ZFYVE9: variants seen among roughly 807,000 people sequenced by gnomAD.
The protein encoded by ZFYVE9 is zinc finger FYVE domain-containing protein 9.
In ZFYVE9, 43 loss-of-function variants were observed where a neutral mutation model predicts 126.7. The observed-to-expected ratio is 0.34, with a 90% CI of 0.27 to 0.44. ZFYVE9 has a LOEUF of 0.44. ZFYVE9 is among the 20% of genes least tolerant of loss of function. The pLI is 1.00. For synonymous variants in ZFYVE9, 521 were observed against 597.4 expected (o/e 0.87, Z 1.87); for missense variants, 1,476 against 1,697.0 (o/e 0.87, Z 2.29).
Position 52,238,759 on chromosome 1 carries a change from G to T in ZFYVE9, c.1342G>T (p.Asp448Tyr). ...TGTTGGATTGGCAGATGCAGGTCTA[G>T]ATTTAAAAGGAACTTGCATTAGTGA... Reference protein sequence around the residue: ...QCVGLADAGLDLKGTCISESE... With the variant: ...QCVGLADAGLYLKGTCISESE... Residue 448 changes from aspartate to tyrosine, a missense_variant, in exon 4 of 19, where the codon GAT becomes TAT. Physicochemically the swap from Asp to Tyr is radical, Grantham distance 160 (BLOSUM62 -3). Transcript: ENST00000287727. The T allele has an allele frequency of 6.2e-7, 1 of 1,614,054 alleles. No individual in the cohort carries two copies. The highest frequency in any genetic ancestry group is 8.5e-7 in the Non-Finnish European group (1 of 1,179,954).
At chr1:52,160,253 C>G (rs1348914902) in intron 1 of ZFYVE9, 3 of 876,116 alleles carry the variant, frequency 3.4e-6, no homozygotes, top group Non-Finnish European at 5.9e-6. Flanking sequence ...TTATTTTTCT[C>G]TTTTCAATTA....
intron 1 of ZFYVE9, among the ~76,000 whole-genome samples, chr1:52,182,292 T>C (rs1293875465): frequency 6.6e-6 from 1 of 151,696 alleles, no homozygotes; most frequent in Non-Finnish European, 1.5e-5. Flanking sequence ...ACAGTGGCGG[T>C]TTTGTGGAAT....
chr1:52,171,903 C>G (rs1644575092), intron 1 of ZFYVE9, among the ~76,000 whole-genome samples: 1 of 152,100 alleles, frequency 6.6e-6, no homozygotes, highest in Non-Finnish European at 1.5e-5. Context: ...GATATTAGCT[C>G]TTTGTCAGAT....
intron 13 of ZFYVE9, among the ~76,000 whole-genome samples, chr1:52,321,655 T>G (rs1201469514): frequency 6.6e-6 from 1 of 152,144 alleles, no homozygotes; most frequent in Non-Finnish European, 1.5e-5. Context: ...ACTGGACTTC[T>G]AGTCAAACTC....
chr1:52,238,123 A>C lies in ZFYVE9; in HGVS notation c.706A>C (p.Ser236Arg). 1.9e-6 allele frequency: 3 copies of C among 1,614,138 alleles called. No homozygotes were observed. The highest frequency in any genetic ancestry group is 2.5e-6 in the Non-Finnish European group (3 of 1,179,972). The change falls in exon 4 of 19, where the codon AGT becomes CGT. Residue 236 changes from serine (S) to arginine (R), a missense_variant. Ser to Arg is a moderately radical substitution (Grantham distance 110, BLOSUM62 -1). Around this residue, in one of 2 missense-constraint regions of ZFYVE9, gnomAD observed 807 missense variants for 794.6 expected, o/e 1.02. Transcript: ENST00000287727. ...CCATCTGTGTCCTACTTCATCTGAT[A>C]GTCTAGCCAGTGTCTGTTCCCCTTC... ...VNHLCPTSSDSLASVCSPSQL... is the reference protein window; with the variant it reads ...VNHLCPTSSDRLASVCSPSQL...
intron 1 of ZFYVE9, among the ~76,000 whole-genome samples, chr1:52,215,526 A>G (rs1645064009): frequency 6.6e-6 from 1 of 152,186 alleles, no homozygotes. Context: ...GTTTATCTTT[A>G]AAATTAAGTA....
intron 1 of ZFYVE9, among the ~76,000 whole-genome samples, chr1:52,156,912 A>G (rs1343076021): frequency 6.6e-6 from 1 of 151,194 alleles, no homozygotes; most frequent in East Asian, 1.9e-4. Flanking sequence ...GGCTCACTGC[A>G]AGCTCTGCCT....
rs189701789 is a variant in ZFYVE9 at position 52,285,392 on chromosome 1, C to A, written c.3025+3576C>A. Among the ~76,000 whole-genome samples the A allele has an allele frequency of 1.9e-3, 290 of 152,254 alleles. 1 individual carries two copies. The highest frequency in any genetic ancestry group is 1.8e-3 in the Non-Finnish European group (124 of 68,024). On this transcript the variant is annotated intron_variant, in intron 10 of 18. Coordinates refer to ENST00000287727, the MANE Select transcript of ZFYVE9 (RefSeq NM_004799.4). Reference sequence around the variant, plus strand: ...GGTCCGTGGCCTGTTAGGAACCAGGCCACACAGCAGAGGTGAGGGGCAGGC... The same window carrying A: ...GGTCCGTGGCCTGTTAGGAACCAGGACACACAGCAGAGGTGAGGGGCAGGC...
At chr1:52,202,047 G>A (rs1246999492) in intron 1 of ZFYVE9, among the ~76,000 whole-genome samples, 1 of 152,136 alleles carries the variant, frequency 6.6e-6, no homozygotes, top group South Asian at 2.1e-4. Context: ...GCCTCCCAAA[G>A]TGCTGGGATT....
chr1:52,221,893 T>C (rs1645127391), intron 2 of ZFYVE9, among the ~76,000 whole-genome samples: 1 of 152,174 alleles, frequency 6.6e-6, no homozygotes, highest in Non-Finnish European at 1.5e-5. Flanking sequence ...GTTTTTGATA[T>C]AGGGGCTTTG....
At chr1:52,243,275 A>G (rs1342394394) in intron 4 of ZFYVE9, among the ~76,000 whole-genome samples, 1 of 152,218 alleles carries the variant, frequency 6.6e-6, no homozygotes, top group African/African-American at 2.4e-5. Context: ...CAAAACAAAA[A>G]AACATGATTT....
intron 2 of ZFYVE9, among the ~76,000 whole-genome samples, chr1:52,226,939 G>A (rs753784933): frequency 1.2e-4 from 19 of 152,336 alleles, no homozygotes; most frequent in Non-Finnish European, 2.6e-4. Context: ...AGAATGGGAG[G>A]GATGTTTGCC....
chr1:52,189,167 C>A (rs1293876340), intron 1 of ZFYVE9, among the ~76,000 whole-genome samples: 4 of 151,380 alleles, frequency 2.6e-5, no homozygotes. Flanking sequence ...GAACTCCTGA[C>A]CTTAAGTGAT....
chr1:52,327,847 G>A (rs1302230613), intron 13 of ZFYVE9, among the ~76,000 whole-genome samples: 2 of 151,810 alleles, frequency 1.3e-5, no homozygotes, highest in African/African-American at 2.4e-5. Flanking sequence ...GGTGGCGGGC[G>A]CCTGCAGTCC....
chr1:52,315,327 C>T (rs898537725), intron 13 of ZFYVE9, among the ~76,000 whole-genome samples: 2 of 152,118 alleles, frequency 1.3e-5, no homozygotes, highest in Non-Finnish European at 2.9e-5. Flanking sequence ...ACTCTCTAGG[C>T]TGAGGCAGGA....
At position 52,237,723 on chromosome 1, in the gene ZFYVE9, A is replaced by C; in HGVS notation, c.306A>C (p.Thr102=). The change falls in exon 4 of 19, where the codon ACA becomes ACC. Residue 102 remains threonine, a synonymous_variant. Coordinates refer to ENST00000287727, the MANE Select transcript of ZFYVE9 (RefSeq NM_004799.4). ...GTAATCTAAATCCAGAGATTGCCAC[A>C]ATGTGGATTGATGAAAATGCTGTTG... ...QDCNLNPEIA[T]MWIDENAVAE... 6.2e-7 allele frequency: 1 copy of C among 1,614,108 alleles called. No individual in the cohort carries two copies. The highest frequency in any genetic ancestry group is 8.5e-7 in the Non-Finnish European group (1 of 1,179,988).
chr1:52,172,287 A>G lies in ZFYVE9; in HGVS notation c.-143+29884A>G, dbSNP rs1399768832. ...TTTCCCCATTGCTTGTTTATCTCAG[A>G]TTTGTCAAAGATCAGATAGTTGTAG... On this transcript the variant is annotated intron_variant, in intron 1 of 18. Transcript: ENST00000287727. Among the ~76,000 whole-genome samples the G allele has an allele frequency of 4.6e-5, 7 of 152,162 alleles. No homozygotes were observed. The East Asian group carries it at 1.4e-3, about 29-fold the overall frequency.
chr1:52,161,988 A>G (rs990313404), intron 1 of ZFYVE9, among the ~76,000 whole-genome samples: 1 of 152,044 alleles, frequency 6.6e-6, no homozygotes, highest in African/African-American at 2.4e-5. Flanking sequence ...TTTTATACTC[A>G]AGATGTTTAC....
chr1:52,193,393 CAAAAAAAAAA>C (rs397863555), intron 1 of ZFYVE9, among the ~76,000 whole-genome samples: 9 of 95,832 alleles, frequency 9.4e-5, no homozygotes, highest in African/African-American at 1.5e-4. Context: ...TTGTCAGTAT[CAAAAAAAAAA>C]AAAAAAAAAA....
Sources: allele counts gnomAD v4.1 joint callset (sites outside exome capture counted in the v4.1 genomes callset), GRCh38; gene constraint gnomAD v4.1.1; regional missense constraint gnomAD v4.1.1; transcripts MANE v1.5; gene names NCBI Gene and HGNC (gene_info 2026-07-23, HGNC 2026-07-21).